PCDHA10: variants seen among roughly 807,000 people sequenced by gnomAD.
PCDHA10 encodes protocadherin alpha-10.
PCDHA10 carries 45 observed loss-of-function variants against 61.2 expected under a neutral mutation model. The observed-to-expected ratio is 0.74, with a 90% CI of 0.58 to 0.94. The LOEUF is 0.94. Ranked by LOEUF, PCDHA10 falls within the 40% of genes least tolerant of loss-of-function variation. PCDHA10 has a pLI of 0.00. For synonymous variants in PCDHA10, 602 were observed against 548.8 expected, an observed-to-expected ratio of 1.10 and a Z score of -1.35; for missense variants, 1,278 against 1,236.2, an observed-to-expected ratio of 1.03 and a Z score of -0.51.
intron 1 of PCDHA10, among the ~76,000 whole-genome samples, chr5:140,949,308 G>T (rs1323575169): frequency 6.6e-6 from 1 of 151,722 alleles, no homozygotes; most frequent in African/African-American, 2.4e-5. Flanking sequence ...TGGGTGTAAT[G>T]ATTTATAAAT....
intron 1 of PCDHA10, among the ~76,000 whole-genome samples, chr5:140,890,099 A>G (rs1301934861): frequency 2.0e-5 from 3 of 152,086 alleles, no homozygotes; most frequent in African/African-American, 7.2e-5. Context: ...TTTATTCCCA[A>G]CTCTGGATTC....
chr5:140,951,318 G>C (rs2094570791), intron 1 of PCDHA10, among the ~76,000 whole-genome samples: 1 of 152,038 alleles, frequency 6.6e-6, no homozygotes, highest in Non-Finnish European at 1.5e-5. Context: ...TGTTATTCTT[G>C]AGATTCATCA....
At chr5:140,870,139 T>C in intron 1 of PCDHA10, 1 of 1,613,992 alleles carries the variant, frequency 6.2e-7, no homozygotes, top group Non-Finnish European at 8.5e-7. Flanking sequence ...CAACGATAAC[T>C]CTCCTGAAGT....
chr5:140,952,658 C>T (rs2094779074), intron 1 of PCDHA10, among the ~76,000 whole-genome samples: 1 of 152,196 alleles, frequency 6.6e-6, no homozygotes. Flanking sequence ...TACCCAGTTC[C>T]AAAGTCACTT....
intron 1 of PCDHA10, chr5:140,928,710 T>C (rs1370353227): frequency 3.7e-6 from 6 of 1,614,192 alleles, no homozygotes; most frequent in Non-Finnish European, 5.1e-6. Context: ...CGTCTGACTC[T>C]AGTCTCTTTA....
intron 1 of PCDHA10, chr5:140,870,942 G>T (rs782286042): frequency 1.2e-6 from 2 of 1,613,740 alleles, no homozygotes; most frequent in Non-Finnish European, 1.7e-6. Flanking sequence ...TGCAGCCGGC[G>T]GCGGGCGGCT....
In PCDHA10 at chr5:140,872,829, G is replaced by GA. The variant is rs1562676145; in HGVS notation, c.2388+14399dup. ...AAGTTTTTCAGATTCATCTAGCAGA[G>GA]AAAAAATTAAATATATTAATGTGAG... is the stretch of plus-strand genomic sequence containing the variant. On this transcript the variant is annotated intron_variant, in intron 1 of 3. Transcript: ENST00000307360. Among the ~76,000 whole-genome samples, 5 of 152,156 alleles carry GA rather than the reference G, an allele frequency of 3.3e-5. No homozygotes were observed. The South Asian group carries it at 8.3e-4, about 25-fold the overall frequency.
At position 140,877,189 on chromosome 5, in the gene PCDHA10, G is replaced by C. The variant is rs370743077; in HGVS notation, c.2388+18753G>C. ...ACTGCTGGCGACTCCGGCTGGCAGC[G>C]CAGGAGGCGCAGTTAGCGAGTTGGT... On this transcript the variant is annotated intron_variant, in intron 1 of 3. Coordinates refer to ENST00000307360, the MANE Select transcript of PCDHA10 (RefSeq NM_018901.4). The C allele has an allele frequency of 5.1e-5, 82 of 1,613,690 alleles. No homozygotes were observed. Among genetic ancestry groups the C allele is most frequent in the Non-Finnish European group, 6.4e-5 (75 of 1,179,826 alleles).
In PCDHA10 at chr5:140,968,959, C is replaced by T. The variant is rs782079520; in HGVS notation, c.2389-9990C>T. ...TCATCATTTTGAGCATCATCAAGTG[C>T]TACCGCTACACTGCGTATGGCACTG... On this transcript the variant is annotated intron_variant, in intron 1 of 3. Transcript: ENST00000307360. The T allele has an allele frequency of 1.5e-5, 25 of 1,614,182 alleles. 1 individual carries two copies. In the Middle Eastern group the frequency reaches 1.8e-3, roughly 117 times the overall value.
chr5:140,856,660 T>A lies in PCDHA10; in HGVS notation c.612T>A (p.Asn204Lys). 1 of 1,597,974 alleles carries A rather than the reference T, an allele frequency of 6.3e-7. No individual in the cohort carries two copies. The highest frequency in any genetic ancestry group is 1.1e-5 in the South Asian group (1 of 90,538). ...GGAAGCTGCTGGATCGTGAAGAAAA[T>A]CCTCAGCTAAAGTTGTTGTTGACAG... ...VLRKLLDREE[N>K]PQLKLLLTAT... The change falls in exon 1 of 4, where the codon AAT becomes AAA. Residue 204 changes from asparagine to lysine, a missense_variant. Coordinates refer to ENST00000307360, the MANE Select transcript of PCDHA10 (RefSeq NM_018901.4).
intron 1 of PCDHA10, among the ~76,000 whole-genome samples, chr5:140,913,322 T>G (rs1348973730): frequency 6.6e-6 from 1 of 152,190 alleles, no homozygotes; most frequent in Non-Finnish European, 1.5e-5. Context: ...GTAAGTTGTA[T>G]GTGTCTAGGA....
In PCDHA10 at chr5:140,857,189, A is replaced by C. The variant is rs782018937; in HGVS notation, c.1141A>C (p.Asn381His). Residue 381 changes from asparagine to histidine, a missense_variant, in exon 1 of 4, where the codon AAC becomes CAC. Transcript: ENST00000307360. ...CGTTTCTGACCATGATTCAGGAGCCAACGGACAGGTCACCTGCTCTCTGAC... is the reference window on the plus strand; with the variant it reads ...CGTTTCTGACCATGATTCAGGAGCCCACGGACAGGTCACCTGCTCTCTGAC... Reference protein sequence around the residue: ...ISVSDHDSGANGQVTCSLTPH... With the variant: ...ISVSDHDSGAHGQVTCSLTPH... 1 of 1,598,598 alleles carries C rather than the reference A, an allele frequency of 6.3e-7. No individual in the cohort carries two copies. The highest frequency in any genetic ancestry group is 8.6e-7 in the Non-Finnish European group (1 of 1,167,936).
chr5:141,006,029 G>A (rs539375544), intron 3 of PCDHA10, among the ~76,000 whole-genome samples: 12 of 151,322 alleles, frequency 7.9e-5, no homozygotes, highest in Non-Finnish European at 1.2e-4. Context: ...ATAATAGTAA[G>A]AGGGAGATTT....
At chr5:140,882,768 C>CA in intron 1 of PCDHA10, 1 of 1,614,222 alleles carries the variant, frequency 6.2e-7, no homozygotes, top group Non-Finnish European at 8.5e-7. Flanking sequence ...GTAAACTCGG[C>CA]ATTGACCTAC....
chr5:140,908,919 G>A (rs781892541), intron 1 of PCDHA10, among the ~76,000 whole-genome samples: 1 of 152,158 alleles, frequency 6.6e-6, no homozygotes, highest in Non-Finnish European at 1.5e-5. Context: ...TGTAGGAGGG[G>A]CCAAATGCAG....
intron 1 of PCDHA10, chr5:140,967,063 C>T (rs1554229129): frequency 6.2e-7 from 1 of 1,612,820 alleles, no homozygotes; most frequent in Non-Finnish European, 8.5e-7. Flanking sequence ...GTGGAGCGCT[C>T]TTCGTCAACG....
At chr5:140,927,827 C>T (rs1554205116) in intron 1 of PCDHA10, 2 of 1,614,100 alleles carry the variant, frequency 1.2e-6, no homozygotes, top group South Asian at 2.2e-5. Flanking sequence ...TACATTGAGG[C>T]GAGGGACGAA....
In PCDHA10 at chr5:141,011,905, G is replaced by C. The variant is rs1400272126; in HGVS notation, c.*1968G>C. 4 of 153,222 alleles carry C rather than the reference G, an allele frequency of 2.6e-5. No individual in the cohort carries two copies. Among genetic ancestry groups the C allele is most frequent in the African/African-American group, 9.7e-5 (4 of 41,224 alleles). The allele number at this position is 153,222 out of a possible 1,614,324, so 9.5% of individuals were successfully genotyped here. A position where few individuals can be genotyped will look rare whatever the true frequency, so the allele number is the denominator to read the frequency against. ...TTGATTAATTATATTATCTATTTAG[G>C]CATTAATATAAAAGAGGTAGGAGTC... On this transcript the variant is annotated 3_prime_UTR_variant, in exon 4 of 4. Coordinates refer to ENST00000307360, the MANE Select transcript of PCDHA10 (RefSeq NM_018901.4).
In PCDHA10 at chr5:140,857,214, C is replaced by T. The variant is rs193920994; in HGVS notation, c.1166C>T (p.Thr389Met). ...GANGQVTCSL[T>M]PHVPFKLVST... ...AACGGACAGGTCACCTGCTCTCTGA[C>T]GCCTCACGTTCCGTTCAAGCTGGTG... is the stretch of plus-strand genomic sequence containing the variant. The change falls in exon 1 of 4, where the codon ACG becomes ATG. Residue 389 changes from threonine (T) to methionine (M), a missense_variant. Thr to Met is a moderately conservative substitution (Grantham distance 81, BLOSUM62 -1). Transcript: ENST00000307360. 5 of 1,598,500 alleles carry T rather than the reference C, an allele frequency of 3.1e-6. 1 individual carries two copies. Among genetic ancestry groups the T allele is most frequent in the Non-Finnish European group, 3.4e-6 (4 of 1,167,936 alleles).
Sources: allele counts gnomAD v4.1 joint callset (sites outside exome capture counted in the v4.1 genomes callset), GRCh38; gene constraint gnomAD v4.1.1; transcripts MANE v1.5; gene names NCBI Gene and HGNC (gene_info 2026-07-23, HGNC 2026-07-21).